CCDC83: variants seen among roughly 807,000 people sequenced by gnomAD.
CCDC83 encodes the protein coiled-coil domain containing 83, also known as coiled-coil domain-containing protein 83.
CCDC83 carries 54 observed loss-of-function variants against 50.1 expected under a neutral mutation model. The observed-to-expected ratio is 1.08, with a 90% confidence interval of 0.87 to 1.35. The LOEUF (loss-of-function observed/expected upper bound fraction) is 1.35. CCDC83 is among the 40% of genes most tolerant of loss of function. The pLI, the probability that CCDC83 is intolerant of heterozygous loss-of-function variation, is 0.00. For synonymous variants in CCDC83, 161 were observed against 153.3 expected (o/e 1.05, Z -0.37); for missense variants, 518 against 473.9 (o/e 1.09, Z -0.86).
chr11:85,889,620 G>T (rs995469164), intron 5 of CCDC83, among the ~76,000 whole-genome samples: 6 of 152,174 alleles, frequency 3.9e-5, no homozygotes, highest in African/African-American at 1.4e-4. Context: ...CAATGAATAT[G>T]AGCAAGACTC....
intron 2 of CCDC83, among the ~76,000 whole-genome samples, chr11:85,871,118 G>A (rs1395033925): frequency 6.6e-6 from 1 of 152,156 alleles, no homozygotes; most frequent in African/African-American, 2.4e-5. Context: ...AGTGAGCCGA[G>A]ATCATGCTGC....
chr11:85,871,450 TA>T lies in CCDC83; in HGVS notation c.96-1759del, dbSNP rs145448060. Among the ~76,000 whole-genome samples, 745 of 152,288 alleles carry T rather than the reference TA, an allele frequency of 4.9e-3. 25 individuals are homozygous for T. Among genetic ancestry groups the T allele is most frequent in the Admixed American group, 0.031 (481 of 15,284 alleles). On this transcript the variant is annotated intron_variant, in intron 2 of 10. Coordinates refer to ENST00000342404, the MANE Select transcript of CCDC83 (RefSeq NM_001286159.2). ...TTTTGACCAGTAAAGGATTTTTTTT[TA>T]ATGTTGCATTTTCTCATTATTGGGA...
chr11:85,918,133 A>T (rs2093491292), intron 10 of CCDC83: 1 of 152,236 alleles, frequency 6.6e-6, no homozygotes, highest in Non-Finnish European at 1.5e-5. Flanking sequence ...TCTAAATTCA[A>T]ATAAATATTT....
In CCDC83 at chr11:85,875,621, T is replaced by A. The variant is rs143338019; in HGVS notation, c.180+2326T>A. Among the ~76,000 whole-genome samples the A allele has an allele frequency of 5.3e-5, 8 of 152,368 alleles. No homozygotes were observed. The East Asian group carries it at 1.5e-3, about 29-fold the overall frequency. On this transcript the variant is annotated intron_variant, in intron 3 of 10. Coordinates refer to ENST00000342404, the MANE Select transcript of CCDC83 (RefSeq NM_001286159.2). ...GACAGCAGCAATCCAGTCTTACTTC[T>A]TTGTTTCTCCAGAAGAGTCCAGCTT...
chr11:85,882,484 A>G, intron 3 of CCDC83, 29 bp from the exon 4 acceptor site: 1 of 1,609,690 alleles, frequency 6.2e-7, no homozygotes, highest in Non-Finnish European at 8.5e-7. Flanking sequence ...AGTTGATCAA[A>G]CGTGAATTAC....
chr11:85,885,003 G>A (rs143220286), intron 4 of CCDC83, among the ~76,000 whole-genome samples: 2,609 of 152,266 alleles, frequency 0.017, 25 homozygotes, highest in Middle Eastern at 0.031. Flanking sequence ...CTGAGGTCAG[G>A]AGTTCGAGAC....
intron 1 of CCDC83, among the ~76,000 whole-genome samples, chr11:85,860,301 CAAAAAAAAA>C (rs56657675): frequency 7.1e-5 from 4 of 55,946 alleles, no homozygotes; most frequent in Admixed American, 7.1e-4. Context: ...GACTCCGTCT[CAAAAAAAAA>C]AAAAAAAAAA....
At chr11:85,882,108 T>C (rs1565141354) in intron 3 of CCDC83, among the ~76,000 whole-genome samples, 1 of 151,624 alleles carries the variant, frequency 6.6e-6, no homozygotes, top group Non-Finnish European at 1.5e-5. Flanking sequence ...CATAGCAACA[T>C]AGCAAGACCT....
At position 85,886,292 on chromosome 11, in the gene CCDC83, G is replaced by T; in HGVS notation, c.436G>T (p.Glu146Ter). 1 of 1,610,632 alleles carries T rather than the reference G, an allele frequency of 6.2e-7. No individual in the cohort carries two copies. The highest frequency in any genetic ancestry group is 8.5e-7 in the Non-Finnish European group (1 of 1,178,778). The part of the protein sequence containing the change: ...YWEEYKNVGS[E>*]RHAKLITSLQ... ...GGAGGAGTACAAGAATGTAGGGAGT[G>T]AACGACATGCTAAACTCATTACCTC... The change falls in exon 5 of 11, where the codon GAA becomes TAA. Residue 146 changes from glutamate to a stop codon, truncating the protein, a stop_gained. Transcript: ENST00000342404. LOFTEE classifies it high-confidence loss of function.
chr11:85,896,914 G>C (rs2093378528), intron 6 of CCDC83, among the ~76,000 whole-genome samples: 1 of 152,068 alleles, frequency 6.6e-6, no homozygotes, highest in Admixed American at 6.6e-5. Flanking sequence ...CTGAATTTCA[G>C]TTGCTGTTAT....
intron 6 of CCDC83, among the ~76,000 whole-genome samples, chr11:85,896,492 T>C (rs916801723): frequency 8.8e-5 from 13 of 147,802 alleles, no homozygotes; most frequent in African/African-American, 3.3e-4. Context: ...TTAAAGGAAA[T>C]GTTCTTTGGA....
intron 3 of CCDC83, among the ~76,000 whole-genome samples, chr11:85,881,763 T>C (rs2093301834): frequency 6.6e-6 from 1 of 152,160 alleles, no homozygotes; most frequent in South Asian, 2.1e-4. Flanking sequence ...ATGCTAATTG[T>C]TTTTCTCCTA....
rs749621813 is a variant in CCDC83, at chr11:85,911,421, TAG to T, written c.794+24_794+25del. 14 of 1,538,822 alleles carry T rather than the reference TAG, an allele frequency of 9.1e-6. No homozygotes were observed. The African/African-American group carries it at 1.7e-4, about 18-fold the overall frequency. The stretch of plus-strand genomic sequence containing the variant: ...TACCCAGGTGAAAATTGTTAATATA[TAG>T]AGAGTATTTTGTAAACATTTGTATC... On this transcript the variant is annotated intron_variant, in intron 8 of 10. Coordinates refer to ENST00000342404, the MANE Select transcript of CCDC83 (RefSeq NM_001286159.2).
intron 7 of CCDC83, among the ~76,000 whole-genome samples, chr11:85,902,889 G>A (rs1028055635): frequency 6.6e-6 from 1 of 152,034 alleles, no homozygotes. Flanking sequence ...TGTATATGCC[G>A]GTTTTGCATC....
chr11:85,899,281 T>G (rs942153799), intron 7 of CCDC83, among the ~76,000 whole-genome samples: 29 of 152,208 alleles, frequency 1.9e-4, no homozygotes, highest in Admixed American at 6.5e-5. Context: ...AAAACTTGAT[T>G]TGGTCTTCCT....
At chr11:85,873,606 A>G (rs1467768466) in intron 3 of CCDC83, among the ~76,000 whole-genome samples, 1 of 152,222 alleles carries the variant, frequency 6.6e-6, no homozygotes, top group Non-Finnish European at 1.5e-5. Context: ...TTATTTAACC[A>G]AACCATAAAA....
At chr11:85,882,314 G>A (rs2093304654) in intron 3 of CCDC83, among the ~76,000 whole-genome samples, 199 bp from the exon 4 acceptor site, 1 of 151,950 alleles carries the variant, frequency 6.6e-6, no homozygotes, top group African/African-American at 2.4e-5. Context: ...GTAATCTTCT[G>A]TTTTACCTAG....
intron 5 of CCDC83, among the ~76,000 whole-genome samples, chr11:85,893,813 C>A (rs1405680926): frequency 6.6e-6 from 1 of 152,184 alleles, no homozygotes; most frequent in African/African-American, 2.4e-5. Flanking sequence ...CCATCACCCC[C>A]AGATGGGACC....
chr11:85,882,760 C>A, intron 4 of CCDC83, 85 bp downstream of exon 4: 1 of 1,266,542 alleles, frequency 7.9e-7, no homozygotes, highest in Non-Finnish European at 1.1e-6. Context: ...CCAATATGTT[C>A]AAAATGCTGT....
Sources: gnomAD v4.1 joint callset for allele counts (sites outside exome capture counted in the v4.1 genomes callset) on GRCh38, gnomAD v4.1.1 for gene constraint, MANE v1.5 for transcripts, NCBI Gene and HGNC (gene_info 2026-07-23, HGNC 2026-07-21) for gene names.